DPP4: variants seen among roughly 807,000 people sequenced by gnomAD.
DPP4 encodes ADCP-2.
In DPP4, 93 loss-of-function variants were observed where a neutral mutation model predicts 122.4. That is an observed-to-expected ratio of 0.76 (90% CI 0.64 to 0.90). The LOEUF is 0.90. Ranked by LOEUF, DPP4 falls within the 40% of genes least tolerant of loss-of-function variation. The probability of loss-of-function intolerance (pLI) is 0.00; values close to 1 mark genes in which losing one functional copy is unlikely to be tolerated. For synonymous variants in DPP4, 321 were observed against 302.9 expected (o/e 1.06, Z -0.62); for missense variants, 914 against 907.3 (o/e 1.01, Z -0.09).
chr2:161,997,034 A>G (rs1701024840), intron 23 of DPP4, among the ~76,000 whole-genome samples: 1 of 152,230 alleles, frequency 6.6e-6, no homozygotes, highest in Non-Finnish European at 1.5e-5. Flanking sequence ...TGGAAAAAAG[A>G]CATTTTATCT....
chr2:162,064,785 A>G (rs1684895453), intron 2 of DPP4, among the ~76,000 whole-genome samples: 1 of 152,214 alleles, frequency 6.6e-6, no homozygotes, highest in Non-Finnish European at 1.5e-5. Context: ...GGCTGAGGTC[A>G]AAATGTCCTT....
chr2:162,035,098 G>A (rs1281100386), intron 9 of DPP4, 66 bp downstream of exon 9: 1 of 1,461,802 alleles, frequency 6.8e-7, no homozygotes, highest in Non-Finnish European at 9.3e-7. Flanking sequence ...TTAGCAAGAA[G>A]GGATTAAATG....
intron 2 of DPP4, among the ~76,000 whole-genome samples, chr2:162,050,148 A>G (rs1308910855): frequency 6.6e-6 from 1 of 152,224 alleles, no homozygotes; most frequent in African/African-American, 2.4e-5. Context: ...AAATGCTCTC[A>G]ATTGCTTGTA....
rs944369153 is a variant in DPP4 at position 162,005,736 on chromosome 2, A to T, written c.2052+9T>A. Reference sequence around the variant, plus strand: ...GGTTATAAAATAGGTATAGGTCCTCATCTCTTACTCTGTAATGGTCAAGGT... The same window carrying T: ...GGTTATAAAATAGGTATAGGTCCTCTTCTCTTACTCTGTAATGGTCAAGGT... On this transcript the variant is annotated intron_variant, in intron 23 of 25. Coordinates refer to ENST00000360534, the MANE Select transcript of DPP4 (RefSeq NM_001935.4). 1 of 1,611,260 alleles carries T rather than the reference A, an allele frequency of 6.2e-7. No homozygotes were observed. Among genetic ancestry groups the T allele is most frequent in the Admixed American group, 1.7e-5 (1 of 59,916 alleles).
At chr2:162,010,436 C>T (rs907364644) in intron 20 of DPP4, among the ~76,000 whole-genome samples, 3 of 152,164 alleles carry the variant, frequency 2.0e-5, no homozygotes, top group African/African-American at 7.2e-5. Context: ...TGTCCAGCTT[C>T]TTTCATTCAA....
chr2:162,008,663 T>C lies in DPP4; in HGVS notation c.1888-2A>G. 6.2e-7 allele frequency: 1 copy of C among 1,612,144 alleles called. No individual in the cohort carries two copies. Among genetic ancestry groups the C allele is most frequent in the Non-Finnish European group, 8.5e-7 (1 of 1,178,392 alleles). ...TGAGGTTACGTACCCTCCATATGAC[T>C]AAGGAATGGAAACAGTTATTTTTAT... On this transcript the variant is annotated splice_acceptor_variant, in intron 21 of 25. Coordinates refer to ENST00000360534, the MANE Select transcript of DPP4 (RefSeq NM_001935.4). LOFTEE classifies it high-confidence loss of function.
intron 14 of DPP4, 95 bp downstream of exon 14, chr2:162,020,134 T>C: frequency 9.6e-7 from 1 of 1,041,890 alleles, no homozygotes; most frequent in South Asian, 1.4e-5. Flanking sequence ...AAAAGACTAC[T>C]CTTTATTTGT....
Position 162,024,936 on chromosome 2 carries a change from A to T in DPP4, c.891T>A (p.Asp297Glu). 1 of 1,613,068 alleles carries T rather than the reference A, an allele frequency of 6.2e-7. No individual in the cohort carries two copies. The highest frequency in any genetic ancestry group is 8.5e-7 in the Non-Finnish European group (1 of 1,179,960). ...ITAPASMLIG[D>E]HYLCDVTWAT... ...CCCATGTCACATCACACAAGTAGTG[A>T]TCCCTGGAAGGAAGAAAGAAAGGAA... is the stretch of plus-strand genomic sequence containing the variant. Residue 297 changes from aspartate (D) to glutamate (E), a missense_variant, in exon 11 of 26, where the codon GAT becomes GAA. Coordinates refer to ENST00000360534, the MANE Select transcript of DPP4 (RefSeq NM_001935.4).
At position 162,068,076 on chromosome 2, in the gene DPP4, G is replaced by A. The variant is rs1685007418; in HGVS notation, c.94+5323C>T. Among the ~76,000 whole-genome samples the A allele has an allele frequency of 2.0e-5, 3 of 152,136 alleles. No homozygotes were observed. In the South Asian group the frequency reaches 6.2e-4, roughly 32 times the overall value. On this transcript the variant is annotated intron_variant, in intron 2 of 25. Transcript: ENST00000360534. ...AACTTACATCAGAAGCAAAGCAAGT[G>A]TAATTTAGTGCCAGTAGGTAAATCT...
chr2:162,018,796 C>A lies in DPP4; in HGVS notation c.1353G>T (p.Pro451=), dbSNP rs372074554. 6.2e-7 allele frequency: 1 copy of A among 1,613,984 alleles called. No homozygotes were observed. Among genetic ancestry groups the A allele is most frequent in the Non-Finnish European group, 8.5e-7 (1 of 1,180,024 alleles). ...KVTCLSCELN[P]ERCQYYSVSF... ...ACACAGAATAGTACTGACACCTTTC[C>A]GGATTCAGCTCACAACTGAGGCATG... The change falls in exon 16 of 26, where the codon CCG becomes CCT. Residue 451 remains proline (P), a synonymous_variant. Coordinates refer to ENST00000360534, the MANE Select transcript of DPP4 (RefSeq NM_001935.4).
intron 23 of DPP4, among the ~76,000 whole-genome samples, chr2:161,997,313 C>T (rs1559703005): frequency 6.6e-6 from 1 of 152,192 alleles, no homozygotes. Flanking sequence ...ATAAATCCAT[C>T]TGTCCATCCA....
chr2:162,052,687 T>G (rs1185361819), intron 2 of DPP4, among the ~76,000 whole-genome samples: 1 of 152,102 alleles, frequency 6.6e-6, no homozygotes, highest in Non-Finnish European at 1.5e-5. Context: ...AGTTTTGAAG[T>G]GCAGGCTAGA....
chr2:162,024,403 T>C (rs1228202292), intron 11 of DPP4, among the ~76,000 whole-genome samples: 3 of 152,236 alleles, frequency 2.0e-5, no homozygotes, highest in Non-Finnish European at 4.4e-5. Flanking sequence ...GCCTCATGTA[T>C]TTGTTTTGTT....
At position 162,011,098 on chromosome 2, in the gene DPP4, T is replaced by C. The variant is rs116531619; in HGVS notation, c.1832+695A>G. On this transcript the variant is annotated intron_variant, in intron 20 of 25. Coordinates refer to ENST00000360534, the MANE Select transcript of DPP4 (RefSeq NM_001935.4). ...AAAATATGGGGTAAGAACACCCACC[T>C]CTCGGGGCTTCAGCGACAATGCCTG... Among the ~76,000 whole-genome samples the C allele has an allele frequency of 3.4e-3, 522 of 152,226 alleles. 4 individuals are homozygous for C. The highest frequency in any genetic ancestry group is 0.012 in the African/African-American group (495 of 41,532).
At chr2:162,024,708 C>T in intron 11 of DPP4, 96 bp downstream of exon 11, 2 of 1,480,362 alleles carry the variant, frequency 1.4e-6, no homozygotes, top group Non-Finnish European at 9.0e-7. Flanking sequence ...GAAACTCAAA[C>T]TTCATTTCCT....
chr2:162,051,738 T>C (rs1198289598), intron 2 of DPP4, among the ~76,000 whole-genome samples: 5 of 152,228 alleles, frequency 3.3e-5, no homozygotes, highest in Admixed American at 3.3e-4. Flanking sequence ...TGACTGAATG[T>C]CCCTTCATCC....
At chr2:161,997,479 T>C (rs1285860203) in intron 23 of DPP4, among the ~76,000 whole-genome samples, 1 of 152,228 alleles carries the variant, frequency 6.6e-6, no homozygotes, top group Non-Finnish European at 1.5e-5. Context: ...AAAATATTTA[T>C]CAATTAAATG....
Position 162,037,515 on chromosome 2 carries a change from G to C in DPP4, c.613+787C>G, listed in dbSNP as rs137911322. Among the ~76,000 whole-genome samples, 1,242 of 152,080 alleles carry C rather than the reference G, an allele frequency of 8.2e-3. 20 individuals carry two copies. The highest frequency in any genetic ancestry group is 9.4e-3 in the Non-Finnish European group (640 of 67,972). On this transcript the variant is annotated intron_variant, in intron 8 of 25. Coordinates refer to ENST00000360534, the MANE Select transcript of DPP4 (RefSeq NM_001935.4). ...GTAAGAACTAAAATTAAGTCATGAAGAAAAATTATTTTTTTAAACTACAAA... is the reference window on the plus strand; with the variant it reads ...GTAAGAACTAAAATTAAGTCATGAACAAAAATTATTTTTTTAAACTACAAA...
rs537414786 is a variant in DPP4 at position 162,035,154 on chromosome 2, G to A, written c.774+10C>T. 1.1e-5 allele frequency: 18 copies of A among 1,608,472 alleles called. No individual in the cohort carries two copies. In the South Asian group the frequency reaches 1.8e-4, roughly 16 times the overall value. ...AATCATGGAACCACTGTACAAACAG[G>A]AGCACAGACCTTTGGATATGGAACC... On this transcript the variant is annotated intron_variant, in intron 9 of 25. Coordinates refer to ENST00000360534, the MANE Select transcript of DPP4 (RefSeq NM_001935.4).
Sources: gnomAD v4.1 joint callset for allele counts (sites outside exome capture counted in the v4.1 genomes callset) on GRCh38, gnomAD v4.1.1 for gene constraint, MANE v1.5 for transcripts, NCBI Gene and HGNC (gene_info 2026-07-23, HGNC 2026-07-21) for gene names.